DHX37: variants seen among roughly 807,000 people sequenced by gnomAD.
The protein encoded by DHX37 is DEAH-box helicase 37.
DHX37 carries 52 observed loss-of-function variants against 134.3 expected under a neutral mutation model. That is an observed-to-expected ratio of 0.39 (90% CI 0.31 to 0.49). The LOEUF (loss-of-function observed/expected upper bound fraction) is 0.49, where lower values mean the gene tolerates loss of function less well. Among genes scored for constraint, DHX37 ranks in the 20% least tolerant of loss-of-function variants. DHX37 has a pLI of 0.93. For synonymous variants in DHX37, 634 were observed against 670.7 expected, an observed-to-expected ratio of 0.95 and a Z score of 0.85; for missense variants, 1,344 against 1,580.8, an observed-to-expected ratio of 0.85 and a Z score of 2.54.
chr12:124,952,526 T>A lies in DHX37; in HGVS notation c.2740A>T (p.Met914Leu), dbSNP rs1439109778. 7 of 1,522,646 alleles carry A rather than the reference T, an allele frequency of 4.6e-6. No individual in the cohort carries two copies. The highest frequency in any genetic ancestry group is 1.7e-4 in the Middle Eastern group (1 of 5,844). 94.3% of individuals were successfully genotyped at this position (1,522,646 alleles called of 1,614,324 possible). Residue 914 changes from methionine (M) to leucine (L), a missense_variant, in exon 21 of 27, where the codon ATG becomes TTG. By Grantham distance (15) the Met-to-Leu change is conservative (BLOSUM62 2). This residue lies in a region of DHX37 where 558 missense variants were observed against 650.0 expected (regional missense o/e 0.86). Transcript: ENST00000308736. ...PEAELFVDPK[M>L]QPPTESQVTY... ...ACCTGGCTCTCGGTGGGCGGCTGCA[T>A]CTTGGGATCCACGAAGAGCTCAGCC...
Position 124,964,398 on chromosome 12 carries a change from A to G in DHX37, c.2041T>C (p.Tyr681His), listed in dbSNP as rs1311506006. The G allele has an allele frequency of 3.1e-6, 5 of 1,613,258 alleles. No homozygotes were observed. The highest frequency in any genetic ancestry group is 4.2e-6 in the Non-Finnish European group (5 of 1,179,818). The change falls in exon 15 of 27, where the codon TAC becomes CAC. Residue 681 changes from tyrosine to histidine, a missense_variant. Tyr to His is a moderately conservative substitution (Grantham distance 83, BLOSUM62 2). Around this residue, in one of 7 missense-constraint regions of DHX37, gnomAD observed 39 missense variants for 87.9 expected, o/e 0.44. Coordinates refer to ENST00000308736, the MANE Select transcript of DHX37 (RefSeq NM_032656.4). ...RAGRTEPGHC[Y>H]RLYSSAVFGD... ...GGAGGAGCCTGGGTGACCCACCTGTAGCAGTGGCCGGGCTCCGTCCGTCCT... is the reference window on the plus strand; with the variant it reads ...GGAGGAGCCTGGGTGACCCACCTGTGGCAGTGGCCGGGCTCCGTCCGTCCT...
rs1378613595 is a variant in DHX37 at position 124,980,467 on chromosome 12, A to C, written c.738+23T>G. 1 of 1,601,022 alleles carries C rather than the reference A, an allele frequency of 6.2e-7. No individual in the cohort carries two copies. Among genetic ancestry groups the C allele is most frequent in the Non-Finnish European group, 8.5e-7 (1 of 1,176,482 alleles). On this transcript the variant is annotated intron_variant, in intron 4 of 26. Coordinates refer to ENST00000308736, the MANE Select transcript of DHX37 (RefSeq NM_032656.4). The surrounding 1 kb of genome is among the most constrained non-coding windows in gnomAD (Gnocchi z 5.3). ...CCTTGCCCGCTAACCTAGATTCTTA[A>C]TCACAAACACGGGGTGGCGAACCTG... is the stretch of plus-strand genomic sequence containing the variant.
intron 21 of DHX37, 48 bp downstream of exon 21, chr12:124,952,350 C>T (rs753621820): frequency 6.5e-6 from 10 of 1,543,188 alleles, no homozygotes; most frequent in Admixed American, 1.9e-5. Flanking sequence ...GCCTGCCCCT[C>T]ACCAGGTGCC....
Position 124,954,114 on chromosome 12 carries a change from T to C in DHX37, c.2551A>G (p.Lys851Glu). The change falls in exon 19 of 27, where the codon AAG becomes GAG. Residue 851 changes from lysine (K) to glutamate (E), a missense_variant. By Grantham distance (56) the Lys-to-Glu change is moderately conservative. Coordinates refer to ENST00000308736, the MANE Select transcript of DHX37 (RefSeq NM_032656.4). ...RTWAGQGASL[K>E]LGDLMVLLGA... ...AGCAGCACCATGAGGTCGCCGAGCT[T>C]CAGAGAAGCCCCCTGCCCTGCCCAG... is the stretch of plus-strand genomic sequence containing the variant. 6.2e-7 allele frequency: 1 copy of C among 1,610,970 alleles called. No homozygotes were observed.
At chr12:124,962,609 T>C (rs1190363286) in intron 15 of DHX37, among the ~76,000 whole-genome samples, 1 of 152,134 alleles carries the variant, frequency 6.6e-6, no homozygotes, top group Non-Finnish European at 1.5e-5. Flanking sequence ...TGAGCTGAGA[T>C]TGAACCATTG....
intron 20 of DHX37, chr12:124,953,267 C>A (rs572478327): frequency 2.6e-5 from 4 of 153,454 alleles, no homozygotes; most frequent in African/African-American, 9.6e-5. Context: ...ATGCACCTGG[C>A]GCTGGGAGAA....
chr12:124,985,582 A>T (rs1366002293), intron 2 of DHX37, among the ~76,000 whole-genome samples: 1 of 16,844 alleles, frequency 5.9e-5, no homozygotes, highest in African/African-American at 2.9e-4. Flanking sequence ...TAAAAATACA[A>T]AAAAAAAAAA....
In DHX37 at chr12:124,980,638, G is replaced by A; in HGVS notation, c.590C>T (p.Ala197Val). 1 of 1,606,574 alleles carries A rather than the reference G, an allele frequency of 6.2e-7. No individual in the cohort carries two copies. Among genetic ancestry groups the A allele is most frequent in the Non-Finnish European group, 8.5e-7 (1 of 1,178,816 alleles). ...PAEAGVGTTV[A>V]PLPPAPAPSS... ...GGGTGCTGGAGCTGGCGGCAGAGGT[G>A]CCACGGTGGTCCCCACACCAGCCTC... Residue 197 changes from alanine (A) to valine (V), a missense_variant, in exon 4 of 27, where the codon GCA becomes GTA. Ala to Val is a moderately conservative substitution (Grantham distance 64, BLOSUM62 0). Around this residue, in one of 7 missense-constraint regions of DHX37, gnomAD observed 319 missense variants for 296.1 expected, o/e 1.08. Transcript: ENST00000308736. The surrounding 1 kb of genome is among the most constrained non-coding windows in gnomAD (Gnocchi z 5.3).
At chr12:124,987,317 TA>T (rs1954894261) in intron 1 of DHX37, among the ~76,000 whole-genome samples, 1 of 152,224 alleles carries the variant, frequency 6.6e-6, no homozygotes, top group Non-Finnish European at 1.5e-5. Flanking sequence ...CACTCCAGCC[TA>T]GGCGACAGAG....
In DHX37 at chr12:124,980,882, A is replaced by G; in HGVS notation, c.390-44T>C. 1 of 1,531,582 alleles carries G rather than the reference A, an allele frequency of 6.5e-7. No individual in the cohort carries two copies. Among genetic ancestry groups the G allele is most frequent in the Non-Finnish European group, 8.7e-7 (1 of 1,144,176 alleles). 94.9% of individuals were successfully genotyped at this position (1,531,582 alleles called of 1,614,324 possible). A position where few individuals can be genotyped will look rare whatever the true frequency, so the allele number is the denominator to read the frequency against. On this transcript the variant is annotated intron_variant, in intron 3 of 26. Coordinates refer to ENST00000308736, the MANE Select transcript of DHX37 (RefSeq NM_032656.4). The surrounding 1 kb of genome is among the most constrained non-coding windows in gnomAD (Gnocchi z 5.3). ...CTTCAGGCACAGAGGCCCCACCTCAATCCCAGAGGTCAGGACTCCAAGGCC... is the reference window on the plus strand; with the variant it reads ...CTTCAGGCACAGAGGCCCCACCTCAGTCCCAGAGGTCAGGACTCCAAGGCC...
At chr12:124,973,309 C>A (rs1253830371) in intron 6 of DHX37, among the ~76,000 whole-genome samples, 1 of 151,302 alleles carries the variant, frequency 6.6e-6, no homozygotes, top group East Asian at 1.9e-4. Context: ...GAGGCTGAGG[C>A]AGGAGAATCG....
At chr12:124,975,653 C>T (rs1047315423) in intron 5 of DHX37, 142 bp from the exon 6 acceptor site, 24 of 790,176 alleles carry the variant, frequency 3.0e-5, no homozygotes, top group South Asian at 1.9e-4. Context: ...GGTTGCACTA[C>T]TTTTAACAGC....
chr12:124,965,898 A>G (rs1374472869), intron 12 of DHX37, 86 bp from the exon 13 acceptor site: 13 of 1,528,378 alleles, frequency 8.5e-6, no homozygotes, highest in Non-Finnish European at 1.1e-5. Flanking sequence ...GTGCCCTCGC[A>G]TGGAAGCCCC....
intron 3 of DHX37, among the ~76,000 whole-genome samples, chr12:124,981,926 C>A (rs11057947): frequency 0.063 from 9,528 of 151,510 alleles, 764 homozygotes; most frequent in African/African-American, 0.18. Flanking sequence ...GAGTTCGAGA[C>A]CAGCCTGACC....
At chr12:124,963,358 G>C (rs767170725) in intron 15 of DHX37, among the ~76,000 whole-genome samples, 15 of 152,188 alleles carry the variant, frequency 9.9e-5, no homozygotes, top group Non-Finnish European at 1.6e-4. Context: ...GCTGGGGCGG[G>C]GAAGAAGGGG....
rs751371906 is a variant in DHX37, at chr12:124,964,981, C to T, written c.1761G>A (p.Pro587=). The T allele has an allele frequency of 1.6e-5, 25 of 1,598,740 alleles. No individual in the cohort carries two copies. The highest frequency in any genetic ancestry group is 6.7e-5 in the African/African-American group (5 of 74,876). The change falls in exon 14 of 27, where the codon CCG becomes CCA. Residue 587 remains proline, a synonymous_variant. Transcript: ENST00000308736. ...DGGEQPDASL[P]LHVLPLYSLL... is the part of the protein sequence containing the mutation. ...GAGAGTACAGCGGGAGCACGTGGAGCGGGAGGGAGGCATCCGGCTGCTCAC... is the reference window on the plus strand; with the variant it reads ...GAGAGTACAGCGGGAGCACGTGGAGTGGGAGGGAGGCATCCGGCTGCTCAC...
intron 15 of DHX37, among the ~76,000 whole-genome samples, chr12:124,961,028 A>G (rs1954228549): frequency 6.6e-6 from 1 of 152,254 alleles, no homozygotes; most frequent in Admixed American, 6.5e-5. Flanking sequence ...CTACACTTTA[A>G]CTACAGTTAC....
chr12:124,967,094 CAG>C, intron 11 of DHX37, 27 bp downstream of exon 11: 1 of 1,611,382 alleles, frequency 6.2e-7, no homozygotes, highest in Non-Finnish European at 8.5e-7. Context: ...CTGCTCAGGG[CAG>C]AGTGCTGGTC....
At chr12:124,967,878 G>A (rs967128565) in intron 10 of DHX37, among the ~76,000 whole-genome samples, 11 of 152,134 alleles carry the variant, frequency 7.2e-5, no homozygotes, top group African/African-American at 1.9e-4. Flanking sequence ...AGACCAGCCC[G>A]GCCAACATGA....
Sources: allele counts gnomAD v4.1 joint callset (sites outside exome capture counted in the v4.1 genomes callset), GRCh38; gene constraint gnomAD v4.1.1; regional missense constraint gnomAD v4.1.1; non-coding constraint Gnocchi (gnomAD v3.1); transcripts MANE v1.5; gene names NCBI Gene and HGNC (gene_info 2026-07-23, HGNC 2026-07-21).